Variants in RNF38 observed in about 807,000 individuals in gnomAD.
RNF38 encodes ring finger protein 38.
In RNF38, 15 loss-of-function variants were observed where a neutral mutation model predicts 67.2. The observed-to-expected ratio is 0.22, with a 90% CI of 0.15 to 0.34. RNF38 has a LOEUF of 0.34. RNF38 is among the 10% of genes least tolerant of loss of function. RNF38 has a pLI of 1.00. For missense variants in RNF38, 524 were observed against 639.9 expected, an observed-to-expected ratio of 0.82 and a Z score of 1.95; for synonymous variants, 220 against 218.8, an observed-to-expected ratio of 1.01 and a Z score of -0.05.
chr9:36,427,571 G>T (rs1017044871), intron 1 of RNF38, among the ~76,000 whole-genome samples: 10 of 152,040 alleles, frequency 6.6e-5, no homozygotes, highest in African/African-American at 2.2e-4. Flanking sequence ...GCCTTGTGAG[G>T]ACACAGCAAA....
At chr9:36,351,005 T>G in intron 9 of RNF38, 110 bp downstream of exon 9, 2 of 716,996 alleles carry the variant, frequency 2.8e-6, no homozygotes, top group Non-Finnish European at 4.9e-6. Flanking sequence ...CTTCTTCCAA[T>G]GTGGCCCAGG....
intron 1 of RNF38, among the ~76,000 whole-genome samples, chr9:36,433,755 A>G (rs1838991991): frequency 6.6e-6 from 1 of 152,156 alleles, no homozygotes; most frequent in Non-Finnish European, 1.5e-5. Context: ...ACTTTTCTCA[A>G]AAGAAAAATT....
intron 2 of RNF38, among the ~76,000 whole-genome samples, chr9:36,384,236 A>G (rs1206527493): frequency 6.6e-6 from 1 of 152,264 alleles, no homozygotes; most frequent in Non-Finnish European, 1.5e-5. Context: ...CAAAAAATCT[A>G]AAGTATAAAC....
At chr9:36,361,117 A>C (rs1834496152) in intron 4 of RNF38, among the ~76,000 whole-genome samples, 1 of 151,790 alleles carries the variant, frequency 6.6e-6, no homozygotes, top group Admixed American at 6.6e-5. Flanking sequence ...GCGCTTGGCC[A>C]AGTACCATAT....
chr9:36,340,631 C>T (rs2133313503), intron 11 of RNF38, among the ~76,000 whole-genome samples: 1 of 152,338 alleles, frequency 6.6e-6, no homozygotes, highest in South Asian at 2.1e-4. Context: ...CTTTGCCTCC[C>T]AAAATGTTGG....
At chr9:36,401,021 A>G, upstream of RNF38, 1 of 984,190 alleles carries the variant, frequency 1.0e-6, no homozygotes, top group Non-Finnish European at 1.2e-6. Context: ...CCTCGCCGCT[A>G]GGCCGCGACA....
At chr9:36,359,512 T>C (rs1834363231) in intron 4 of RNF38, among the ~76,000 whole-genome samples, 1 of 152,164 alleles carries the variant, frequency 6.6e-6, no homozygotes, top group African/African-American at 2.4e-5. Context: ...AAAAATTCAT[T>C]AAGTACGCAC....
At chr9:36,455,114 C>T (rs1004028972) in intron 1 of RNF38, among the ~76,000 whole-genome samples, 3 of 151,300 alleles carry the variant, frequency 2.0e-5, no homozygotes, top group African/African-American at 4.9e-5. Context: ...GTGCAGAGTG[C>T]GGTGGTGCGA....
At chr9:36,388,342 C>G (rs544007180) in intron 2 of RNF38, among the ~76,000 whole-genome samples, 10 of 151,770 alleles carry the variant, frequency 6.6e-5, no homozygotes, top group Non-Finnish European at 1.3e-4. Context: ...AAAATTTAAA[C>G]GAAAACCCTG....
At chr9:36,380,556 G>T (rs919136903) in intron 2 of RNF38, among the ~76,000 whole-genome samples, 2 of 151,930 alleles carry the variant, frequency 1.3e-5, no homozygotes, top group South Asian at 2.1e-4. Flanking sequence ...GCAGTGGCAC[G>T]ATCTCAGCTC....
intron 1 of RNF38, among the ~76,000 whole-genome samples, chr9:36,480,889 C>T (rs1379432918): frequency 6.6e-6 from 1 of 151,880 alleles, no homozygotes; most frequent in African/African-American, 2.4e-5. Flanking sequence ...TACTACTTCC[C>T]TACATTTCTC....
At chr9:36,450,042 G>C (rs566300600) in intron 1 of RNF38, among the ~76,000 whole-genome samples, 3 of 152,100 alleles carry the variant, frequency 2.0e-5, no homozygotes, top group Non-Finnish European at 4.4e-5. Flanking sequence ...ACTATCATAA[G>C]GCTATCCCTT....
chr9:36,478,899 A>G (rs1840186294), intron 1 of RNF38, among the ~76,000 whole-genome samples: 1 of 152,002 alleles, frequency 6.6e-6, no homozygotes, highest in African/African-American at 2.4e-5. Flanking sequence ...GTGGGCAATC[A>G]ATCATTCTGG....
In RNF38 at chr9:36,338,398, T is replaced by C. The variant is rs1587443112; in HGVS notation, c.*1354A>G. ...TAAACTTTTCTCATTCAAACAAAAA[T>C]TAAAAGGAAAGGCAGTAAAATATCA... On this transcript the variant is annotated 3_prime_UTR_variant, in exon 12 of 12. Transcript: ENST00000259605. The C allele has an allele frequency of 6.6e-6, 1 of 151,920 alleles. No individual in the cohort carries two copies. Among genetic ancestry groups the C allele is most frequent in the South Asian group, 2.1e-4 (1 of 4,820 alleles). The allele number at this position is 151,920 out of a possible 1,614,324, so 9.4% of individuals were successfully genotyped here. A position where few individuals can be genotyped will look rare whatever the true frequency, so the allele number is the denominator to read the frequency against.
intron 1 of RNF38, among the ~76,000 whole-genome samples, chr9:36,441,334 T>C (rs1839186880): frequency 6.6e-6 from 1 of 151,690 alleles, no homozygotes; most frequent in Admixed American, 6.6e-5. Context: ...TTACCAATTT[T>C]TTTTTTTTTT....
chr9:36,422,161 GCAGACACTA>G (rs1210077012), intron 2 of RNF38, among the ~76,000 whole-genome samples: 5 of 152,144 alleles, frequency 3.3e-5, no homozygotes, highest in Non-Finnish European at 5.9e-5. Flanking sequence ...GAACCAGGAG[GCAGACACTA>G]CAGTGAGCTT....
chr9:36,461,569 G>T (rs1839734204), intron 1 of RNF38, among the ~76,000 whole-genome samples: 1 of 152,180 alleles, frequency 6.6e-6, no homozygotes, highest in Non-Finnish European at 1.5e-5. Flanking sequence ...TGGCTGCTAT[G>T]CAGAGAAAAA....
intron 1 of RNF38, among the ~76,000 whole-genome samples, chr9:36,459,740 G>T (rs1372314197): frequency 3.3e-5 from 5 of 151,978 alleles, no homozygotes; most frequent in South Asian, 2.1e-4. Context: ...TTTCACTTCA[G>T]AGACTTGCGG....
At chr9:36,475,246 T>C (rs1840097045) in intron 1 of RNF38, among the ~76,000 whole-genome samples, 1 of 152,170 alleles carries the variant, frequency 6.6e-6, no homozygotes, top group Non-Finnish European at 1.5e-5. Context: ...TGATCTATCA[T>C]TGAACTGATG....
Sources: allele counts gnomAD v4.1 joint callset (sites outside exome capture counted in the v4.1 genomes callset), GRCh38; gene constraint gnomAD v4.1.1; transcripts MANE v1.5; gene names NCBI Gene and HGNC (gene_info 2026-07-23, HGNC 2026-07-21).